The following STPG2 variants were observed in gnomAD, a reference collection of about 807,000 sequenced individuals.
STPG2 encodes sperm-tail PG-rich repeat-containing protein 2.
A neutral mutation model predicts 54.2 loss-of-function variants in STPG2; 56 were observed. The observed-to-expected ratio is 1.03, with a 90% CI of 0.83 to 1.29. The LOEUF is 1.29. Ranked by LOEUF, STPG2 falls within the 50% of genes most tolerant of loss-of-function variation. STPG2 has a pLI of 0.00. For missense variants in STPG2, 596 were observed against 544.9 expected (o/e 1.09, Z -0.93); for synonymous variants, 200 against 181.8 (o/e 1.10, Z -0.81).
At chr4:98,114,368 A>G (rs1739447557) in intron 3 of STPG2, among the ~76,000 whole-genome samples, 1 of 152,068 alleles carries the variant, frequency 6.6e-6, no homozygotes, top group Admixed American at 6.6e-5. Context: ...CAAAATGTGA[A>G]ACTACATTCT....
intron 8 of STPG2, among the ~76,000 whole-genome samples, chr4:97,887,729 G>A (rs188238071): frequency 1.1e-3 from 167 of 152,268 alleles, no homozygotes; most frequent in African/African-American, 3.8e-3. Context: ...TTGCATAACC[G>A]AAAAGGATCC....
intron 8 of STPG2, among the ~76,000 whole-genome samples, chr4:97,924,976 T>C (rs1732280845): frequency 6.6e-6 from 1 of 152,218 alleles, no homozygotes. Flanking sequence ...AGAATATGAA[T>C]CATTTGTTGT....
chr4:97,730,409 G>T (rs1170828937), intron 9 of STPG2, among the ~76,000 whole-genome samples: 1 of 152,148 alleles, frequency 6.6e-6, no homozygotes, highest in African/African-American at 2.4e-5. Context: ...ACCACTGATG[G>T]ATGCCTAGAT....
chr4:97,743,927 A>G (rs1725345066), intron 9 of STPG2, among the ~76,000 whole-genome samples: 1 of 151,608 alleles, frequency 6.6e-6, no homozygotes, highest in Non-Finnish European at 1.5e-5. Context: ...GTTCTTACAT[A>G]GCAAAGCATA....
At chr4:97,624,381 T>C (rs765312538) in intron 10 of STPG2, among the ~76,000 whole-genome samples, 2 of 152,216 alleles carry the variant, frequency 1.3e-5, no homozygotes, top group South Asian at 2.1e-4. Flanking sequence ...TCACTGATGT[T>C]GAGATTTTTT....
At chr4:98,133,474 T>C (rs1366294507) in intron 2 of STPG2, among the ~76,000 whole-genome samples, 1 of 152,020 alleles carries the variant, frequency 6.6e-6, no homozygotes, top group East Asian at 1.9e-4. Context: ...GGCCTTCTTT[T>C]AAAAACTGAG....
chr4:97,923,625 A>C (rs575529369), intron 8 of STPG2, among the ~76,000 whole-genome samples: 2 of 151,972 alleles, frequency 1.3e-5, no homozygotes, highest in South Asian at 4.2e-4. Flanking sequence ...TAAATGCACC[A>C]ATCAGTGCTC....
chr4:97,822,438 C>G (rs1282468002), intron 9 of STPG2, among the ~76,000 whole-genome samples: 1 of 152,240 alleles, frequency 6.6e-6, no homozygotes, highest in African/African-American at 2.4e-5. Context: ...CTCCCAGCAT[C>G]TGTCTGTTAC....
chr4:97,515,052 C>G (rs1436906834), intron 4 of STPG2, among the ~76,000 whole-genome samples: 1 of 151,980 alleles, frequency 6.6e-6, no homozygotes, highest in Non-Finnish European at 1.5e-5. Context: ...TGGAATTGAT[C>G]ACCCTAAGAT....
chr4:97,477,758 G>A (rs767588597), intron 4 of STPG2, among the ~76,000 whole-genome samples: 1 of 151,754 alleles, frequency 6.6e-6, no homozygotes, highest in Non-Finnish European at 1.5e-5. Context: ...CCAAAGTGCT[G>A]GGATTACAGA....
At chr4:97,571,771 T>C (rs1380579516) in intron 10 of STPG2, among the ~76,000 whole-genome samples, 1 of 152,176 alleles carries the variant, frequency 6.6e-6, no homozygotes, top group Non-Finnish European at 1.5e-5. Context: ...ACACAAGTTC[T>C]CAGGACCTCC....
At chr4:97,457,797 T>G (rs372805793) in intron 4 of STPG2, among the ~76,000 whole-genome samples, 3 of 152,328 alleles carry the variant, frequency 2.0e-5, no homozygotes, top group African/African-American at 7.2e-5. Context: ...ATCTGGAACT[T>G]AAGCATGAAA....
At chr4:98,036,976 A>C (rs1387693903) in intron 5 of STPG2, among the ~76,000 whole-genome samples, 3 of 152,142 alleles carry the variant, frequency 2.0e-5, no homozygotes, top group African/African-American at 7.2e-5. Flanking sequence ...AACTAGAATT[A>C]GCAAAATTAA....
intron 4 of STPG2, among the ~76,000 whole-genome samples, chr4:97,457,534 T>G (rs577919318): frequency 2.0e-5 from 3 of 152,252 alleles, no homozygotes; most frequent in Admixed American, 6.5e-5. Flanking sequence ...TTATATAAGT[T>G]TTCACCTCAC....
At chr4:97,561,930 T>A (rs1230642504) in intron 10 of STPG2, among the ~76,000 whole-genome samples, 1 of 152,186 alleles carries the variant, frequency 6.6e-6, no homozygotes, top group Admixed American at 6.6e-5. Flanking sequence ...GCGGGCTCTT[T>A]TTTGGTTCCA....
intron 5 of STPG2, among the ~76,000 whole-genome samples, chr4:98,054,227 G>A (rs983199395): frequency 2.6e-5 from 4 of 152,038 alleles, no homozygotes; most frequent in Admixed American, 6.6e-5. Context: ...CTGGTATTTA[G>A]CAATAATCAA....
At chr4:97,816,854 TTCTTTC>T (rs1332749868) in intron 9 of STPG2, among the ~76,000 whole-genome samples, 2 of 151,206 alleles carry the variant, frequency 1.3e-5, no homozygotes, top group South Asian at 4.2e-4. Flanking sequence ...CCTCCTTCCT[TTCTTTC>T]TCTTTCTCTT....
chr4:98,021,043 T>C (rs1022285990), intron 5 of STPG2, among the ~76,000 whole-genome samples: 5 of 152,196 alleles, frequency 3.3e-5, no homozygotes, highest in African/African-American at 1.2e-4. Context: ...ATTTTAGTTA[T>C]TTCTTGCCTT....
At chr4:97,692,213 G>T (rs1340670014) in intron 10 of STPG2, among the ~76,000 whole-genome samples, 9 of 141,518 alleles carry the variant, frequency 6.4e-5, no homozygotes, top group African/African-American at 1.6e-4. Context: ...AAAGAATTCA[G>T]AAAGTTGACC....
Sources: allele counts gnomAD v4.1 joint callset (sites outside exome capture counted in the v4.1 genomes callset), GRCh38; gene constraint gnomAD v4.1.1; transcripts MANE v1.5; gene names NCBI Gene and HGNC (gene_info 2026-07-23, HGNC 2026-07-21).